The following SEMA3A variants were observed in gnomAD, a reference collection of about 807,000 sequenced individuals.
SEMA3A encodes the protein semaphorin 3A, also known as semaphorin-3A.
In SEMA3A, 29 loss-of-function variants were observed where a neutral mutation model predicts 97.9. That is an observed-to-expected ratio of 0.30 (90% CI 0.22 to 0.40). The LOEUF (loss-of-function observed/expected upper bound fraction) is 0.40. SEMA3A is among the 10% of genes least tolerant of loss of function. The pLI, the probability that SEMA3A is intolerant of heterozygous loss-of-function variation, is 1.00. For missense variants in SEMA3A, 763 were observed against 951.3 expected (o/e 0.80, Z 2.60); for synonymous variants, 321 against 323.7 (o/e 0.99, Z 0.09).
At chr7:84,296,373 C>G (rs941199318) in intron 3 of SEMA3A, among the ~76,000 whole-genome samples, 1 of 152,112 alleles carries the variant, frequency 6.6e-6, no homozygotes, top group African/African-American at 2.4e-5. Flanking sequence ...CGCTTATCTA[C>G]TAGTTTAGAA....
chr7:84,067,273 A>C (rs1056478702), intron 4 of SEMA3A, among the ~76,000 whole-genome samples: 30 of 152,140 alleles, frequency 2.0e-4, no homozygotes, highest in Admixed American at 1.0e-3. Context: ...AAATCAATTC[A>C]AGATGGATTA....
intron 12 of SEMA3A, among the ~76,000 whole-genome samples, chr7:84,000,008 A>G (rs576185767): frequency 6.6e-6 from 1 of 151,878 alleles, no homozygotes; most frequent in Non-Finnish European, 1.5e-5. Context: ...TATTTATTTC[A>G]TTTTTTCATC....
At chr7:84,266,251 G>T (rs1799998201) in intron 3 of SEMA3A, among the ~76,000 whole-genome samples, 1 of 150,402 alleles carries the variant, frequency 6.6e-6, no homozygotes, top group African/African-American at 2.5e-5. Flanking sequence ...AACTCAGGAG[G>T]TGGAGGTTGC....
chr7:84,167,404 A>G (rs909506607), intron 1 of SEMA3A, among the ~76,000 whole-genome samples: 1 of 152,222 alleles, frequency 6.6e-6, no homozygotes, highest in African/African-American at 2.4e-5. Context: ...TCTCTATTCT[A>G]TATACCTCTG....
chr7:84,246,390 C>A (rs980110557), intron 3 of SEMA3A, among the ~76,000 whole-genome samples: 1 of 152,048 alleles, frequency 6.6e-6, no homozygotes, highest in East Asian at 1.9e-4. Flanking sequence ...CTTAAACTTA[C>A]GTATGTCAAA....
intron 3 of SEMA3A, among the ~76,000 whole-genome samples, chr7:84,202,564 G>C (rs1279468329): frequency 1.3e-5 from 2 of 152,106 alleles, no homozygotes; most frequent in Non-Finnish European, 2.9e-5. Flanking sequence ...GACTTGGTAG[G>C]TGCTTGCCAC....
At chr7:84,362,872 G>A (rs1278120376) in intron 2 of SEMA3A, among the ~76,000 whole-genome samples, 1 of 151,970 alleles carries the variant, frequency 6.6e-6, no homozygotes, top group African/African-American at 2.4e-5. Flanking sequence ...GGACTGAGTA[G>A]ACTCTATCTA....
intron 3 of SEMA3A, among the ~76,000 whole-genome samples, chr7:84,222,948 T>C (rs917980991): frequency 6.6e-6 from 1 of 151,920 alleles, no homozygotes; most frequent in African/African-American, 2.4e-5. Flanking sequence ...AGATGATTTC[T>C]ACACCAGAAA....
chr7:84,083,337 A>C (rs564738443), intron 4 of SEMA3A, among the ~76,000 whole-genome samples: 1 of 151,936 alleles, frequency 6.6e-6, no homozygotes, highest in African/African-American at 2.4e-5. Context: ...ATAGTTGTAC[A>C]CATTGTGGGG....
chr7:84,454,785 A>ATAT (rs1805647329), intron 1 of SEMA3A, among the ~76,000 whole-genome samples: 1 of 151,314 alleles, frequency 6.6e-6, no homozygotes, highest in Non-Finnish European at 1.5e-5. Flanking sequence ...AAACTTAGAC[A>ATAT]ATATTTAATC....
chr7:84,011,017 C>G lies in SEMA3A; in HGVS notation c.995+5G>C. On this transcript the variant is annotated splice_donor_5th_base_variant and intron_variant, in intron 9 of 16. Coordinates refer to ENST00000265362, the MANE Select transcript of SEMA3A (RefSeq NM_006080.3). The stretch of plus-strand genomic sequence containing the variant: ...TTTCTATAAGGTAGTTAAAAAGTTA[C>G]TTACCTGGAAGTCGTAAACACTCCA... 1.9e-6 allele frequency: 3 copies of G among 1,589,998 alleles called. No homozygotes were observed. The highest frequency in any genetic ancestry group is 2.6e-6 in the Non-Finnish European group (3 of 1,163,580).
chr7:84,238,738 G>A (rs1302436413), intron 3 of SEMA3A, among the ~76,000 whole-genome samples: 5 of 148,820 alleles, frequency 3.4e-5, no homozygotes, highest in Non-Finnish European at 4.4e-5. Flanking sequence ...TTTTTGATAC[G>A]GAGTCACGCT....
intron 3 of SEMA3A, among the ~76,000 whole-genome samples, chr7:84,112,362 G>T (rs1795299005): frequency 6.6e-6 from 1 of 152,128 alleles, no homozygotes; most frequent in South Asian, 2.1e-4. Flanking sequence ...GACCCAGATG[G>T]ATGTCTTTTT....
At chr7:84,175,895 C>A (rs1308935606) in intron 1 of SEMA3A, among the ~76,000 whole-genome samples, 1 of 152,130 alleles carries the variant, frequency 6.6e-6, no homozygotes, top group East Asian at 1.9e-4. Context: ...CCTTGCCCCA[C>A]AAAAGAATGC....
intron 1 of SEMA3A, among the ~76,000 whole-genome samples, chr7:84,474,623 GCTGAGTTATTACTAC>G (rs972172335): frequency 1.3e-5 from 2 of 152,162 alleles, no homozygotes; most frequent in African/African-American, 4.8e-5. Flanking sequence ...AAAGAAGGGA[GCTGAGTTATTACTAC>G]CTGACAGTTT....
chr7:84,145,069 C>T (rs926048271), intron 1 of SEMA3A, among the ~76,000 whole-genome samples: 2 of 152,074 alleles, frequency 1.3e-5, no homozygotes, highest in Non-Finnish European at 2.9e-5. Flanking sequence ...CGATGACATG[C>T]CATCTATAGT....
At chr7:84,239,869 C>T (rs1418969403) in intron 3 of SEMA3A, among the ~76,000 whole-genome samples, 1 of 152,028 alleles carries the variant, frequency 6.6e-6, no homozygotes, top group Admixed American at 6.6e-5. Flanking sequence ...ATAAAGAGGT[C>T]ATAAAAAATT....
chr7:83,970,873 A>G (rs955748328), intron 15 of SEMA3A, among the ~76,000 whole-genome samples: 1 of 152,288 alleles, frequency 6.6e-6, no homozygotes, highest in Non-Finnish European at 1.5e-5. Flanking sequence ...GGTAACACAG[A>G]ATACTGTAGC....
At chr7:84,170,685 T>G (rs2116201796) in intron 1 of SEMA3A, among the ~76,000 whole-genome samples, 1 of 152,098 alleles carries the variant, frequency 6.6e-6, no homozygotes, top group African/African-American at 2.4e-5. Flanking sequence ...GTTTTCAGAT[T>G]TTTCTTGTAT....
Sources: allele counts gnomAD v4.1 joint callset (sites outside exome capture counted in the v4.1 genomes callset), GRCh38; gene constraint gnomAD v4.1.1; transcripts MANE v1.5; gene names NCBI Gene and HGNC (gene_info 2026-07-23, HGNC 2026-07-21).